DTNB: variants seen among roughly 807,000 people sequenced by gnomAD.
The protein encoded by DTNB is DTN-B.
A neutral mutation model predicts 90.7 loss-of-function variants in DTNB; 63 were observed. The ratio of observed to expected loss-of-function variants is 0.69; its 90% CI spans 0.57 to 0.86. The LOEUF is 0.86. Among genes scored for constraint, DTNB ranks in the 40% least tolerant of loss-of-function variants. The pLI is 0.00. For synonymous variants in DTNB, 277 were observed against 286.7 expected, an observed-to-expected ratio of 0.97 and a Z score of 0.34; for missense variants, 744 against 807.1, an observed-to-expected ratio of 0.92 and a Z score of 0.95.
At chr2:25,399,568 T>C in intron 16 of DTNB, 1 of 108,958 alleles carries the variant, frequency 9.2e-6, no homozygotes, top group Non-Finnish European at 1.8e-5. Flanking sequence ...GGTCTTGAAC[T>C]CCTGTTCTCA....
At chr2:25,475,294 G>A (rs1216174004) in intron 10 of DTNB, among the ~76,000 whole-genome samples, 1 of 152,226 alleles carries the variant, frequency 6.6e-6, no homozygotes, top group Non-Finnish European at 1.5e-5. Flanking sequence ...CAGCCTCATT[G>A]CTGATGTAGT....
chr2:25,435,338 T>C (rs535641753), intron 12 of DTNB, among the ~76,000 whole-genome samples: 54 of 152,272 alleles, frequency 3.5e-4, no homozygotes, highest in African/African-American at 1.3e-3. Context: ...GTAGTTTTAA[T>C]GTATTCATGA....
chr2:25,529,827 C>G (rs2077817146), intron 9 of DTNB, among the ~76,000 whole-genome samples: 2 of 152,060 alleles, frequency 1.3e-5, no homozygotes, highest in African/African-American at 4.8e-5. Context: ...TAGATTTAAC[C>G]CTTGATCAAT....
At chr2:25,483,618 G>A (rs1187225074) in intron 9 of DTNB, among the ~76,000 whole-genome samples, 3 of 152,110 alleles carry the variant, frequency 2.0e-5, no homozygotes, top group East Asian at 3.9e-4. Flanking sequence ...CTAGACTCAG[G>A]TCCATTTCTC....
At chr2:25,416,818 A>C (rs1487704559) in intron 16 of DTNB, among the ~76,000 whole-genome samples, 1 of 151,078 alleles carries the variant, frequency 6.6e-6, no homozygotes, top group Non-Finnish European at 1.5e-5. Flanking sequence ...GGAAGGAAGG[A>C]AGGAAGGAAG....
chr2:25,435,111 C>A (rs2055268592), intron 12 of DTNB, among the ~76,000 whole-genome samples: 1 of 152,132 alleles, frequency 6.6e-6, no homozygotes, highest in African/African-American at 2.4e-5. Context: ...CCTCTGCCTC[C>A]CGAGTTCAAG....
At chr2:25,582,340 AC>A (rs1024327025) in intron 6 of DTNB, among the ~76,000 whole-genome samples, 1 of 152,204 alleles carries the variant, frequency 6.6e-6, no homozygotes, top group African/African-American at 2.4e-5. Flanking sequence ...GACTAGACAG[AC>A]TTATTCCTCT....
At chr2:25,434,209 CAA>C (rs1275781739) in intron 12 of DTNB, among the ~76,000 whole-genome samples, 3 of 152,000 alleles carry the variant, frequency 2.0e-5, no homozygotes, top group Non-Finnish European at 4.4e-5. Flanking sequence ...TCCATCACCG[CAA>C]AAAATTCCCT....
Position 25,531,559 on chromosome 2 carries a change from T to A in DTNB, c.915A>T (p.Lys305Asn), listed in dbSNP as rs1332288633. The change falls in exon 9 of 21, where the codon AAA becomes AAT. Residue 305 changes from lysine to asparagine, a missense_variant. Coordinates refer to ENST00000406818, the MANE Select transcript of DTNB (RefSeq NM_021907.5). Reference protein sequence around the residue: ...PAKKLSHAISKSLGCVPTREP... With the variant: ...PAKKLSHAISNSLGCVPTREP... Reference sequence around the variant, plus strand: ...CTCTCGTGGGTACACACCCCAAAGATTTACTAATTGCATGGCTCAGCTTCT... The same window carrying A: ...CTCTCGTGGGTACACACCCCAAAGAATTACTAATTGCATGGCTCAGCTTCT... 1 of 1,613,724 alleles carries A rather than the reference T, an allele frequency of 6.2e-7. No individual in the cohort carries two copies. The highest frequency in any genetic ancestry group is 2.2e-5 in the East Asian group (1 of 44,894).
At chr2:25,480,520 G>A in intron 10 of DTNB, among the ~76,000 whole-genome samples, 1 of 152,164 alleles carries the variant, frequency 6.6e-6, no homozygotes, top group East Asian at 1.9e-4. Flanking sequence ...TGAGGGGTAG[G>A]CCTCTACAGA....
intron 16 of DTNB, among the ~76,000 whole-genome samples, chr2:25,394,144 G>A (rs1225805184): frequency 6.6e-6 from 1 of 152,044 alleles, no homozygotes. Flanking sequence ...AAAAAATGGG[G>A]AAAGGACACC....
chr2:25,644,477 T>A (rs2148877112), intron 2 of DTNB, among the ~76,000 whole-genome samples: 1 of 152,318 alleles, frequency 6.6e-6, no homozygotes, highest in Non-Finnish European at 1.5e-5. Flanking sequence ...AATTTTTGGC[T>A]GGGTGTGGTT....
At chr2:25,667,249 G>A (rs2084667690) in intron 1 of DTNB, among the ~76,000 whole-genome samples, 1 of 152,154 alleles carries the variant, frequency 6.6e-6, no homozygotes, top group African/African-American at 2.4e-5. Flanking sequence ...AACACTTTGG[G>A]AGGCTGTGGC....
At chr2:25,398,357 C>T (rs1302642507) in intron 16 of DTNB, among the ~76,000 whole-genome samples, 2 of 152,236 alleles carry the variant, frequency 1.3e-5, no homozygotes, top group Non-Finnish European at 2.9e-5. Context: ...TGTTATTTCT[C>T]CATGGGTCTT....
intron 6 of DTNB, among the ~76,000 whole-genome samples, chr2:25,589,800 C>A (rs1036696334): frequency 6.6e-6 from 1 of 152,162 alleles, no homozygotes; most frequent in Admixed American, 6.5e-5. Context: ...TGGCCAGTGG[C>A]ACCTTTGCCG....
chr2:25,661,230 T>C (rs893245784), intron 1 of DTNB, among the ~76,000 whole-genome samples: 5 of 152,176 alleles, frequency 3.3e-5, no homozygotes, highest in Non-Finnish European at 7.3e-5. Context: ...TAAATCTAAG[T>C]ATCAAAACTC....
intron 14 of DTNB, among the ~76,000 whole-genome samples, chr2:25,432,043 C>G (rs1334250336): frequency 2.0e-5 from 3 of 152,142 alleles, no homozygotes; most frequent in Non-Finnish European, 2.9e-5. Context: ...AAACAATAAT[C>G]TCCATTCTCT....
intron 8 of DTNB, among the ~76,000 whole-genome samples, chr2:25,555,491 T>C (rs1464983169): frequency 6.6e-6 from 1 of 151,780 alleles, no homozygotes; most frequent in Non-Finnish European, 1.5e-5. Flanking sequence ...TTGAAAAAAA[T>C]CAAGTAATTT....
chr2:25,628,375 A>G lies in DTNB; in HGVS notation c.158T>C (p.Val53Ala). Residue 53 changes from valine (V) to alanine (A), a missense_variant, in exon 4 of 21, where the codon GTT (valine) becomes GCT (alanine). Coordinates refer to ENST00000406818, the MANE Select transcript of DTNB (RefSeq NM_021907.5). ...GGCTTCAATCATGTTCCAGATATCA[A>G]CAAGATGAACTAAAAGACAAAGAAA... The part of the protein sequence containing the change: ...FVQKRCNLHL[V>A]DIWNMIEAFR... 2 of 1,612,968 alleles carry G rather than the reference A, an allele frequency of 1.2e-6. No homozygotes were observed. The highest frequency in any genetic ancestry group is 1.7e-6 in the Non-Finnish European group (2 of 1,179,584).
Sources: allele counts gnomAD v4.1 joint callset (sites outside exome capture counted in the v4.1 genomes callset), GRCh38; gene constraint gnomAD v4.1.1; transcripts MANE v1.5; gene names NCBI Gene and HGNC (gene_info 2026-07-23, HGNC 2026-07-21).